The following PKP4 variants were observed in gnomAD, a reference collection of about 807,000 sequenced individuals.
PKP4 encodes plakophilin-4.
A neutral mutation model predicts 145.1 loss-of-function variants in PKP4; 90 were observed. The observed-to-expected ratio is 0.62, with a 90% CI of 0.52 to 0.74. The LOEUF is 0.74. Ranked by LOEUF, PKP4 falls within the 30% of genes least tolerant of loss-of-function variation. PKP4 has a pLI of 0.00. For missense variants in PKP4, 1,340 were observed against 1,482.7 expected, an observed-to-expected ratio of 0.90 and a Z score of 1.58; for synonymous variants, 563 against 577.2, an observed-to-expected ratio of 0.98 and a Z score of 0.35.
intron 1 of PKP4, among the ~76,000 whole-genome samples, chr2:158,493,545 C>T (rs914549546): frequency 6.6e-6 from 1 of 152,180 alleles, no homozygotes; most frequent in African/African-American, 2.4e-5. Flanking sequence ...CCTCCTTTTC[C>T]AGGCTGGACT....
chr2:158,560,963 A>G (rs1296786854), intron 2 of PKP4, among the ~76,000 whole-genome samples: 5 of 152,354 alleles, frequency 3.3e-5, no homozygotes, highest in African/African-American at 1.2e-4. Context: ...GAGGCTTACA[A>G]GTTGTTAAAC....
At chr2:158,546,355 C>A (rs2045038277) in intron 2 of PKP4, among the ~76,000 whole-genome samples, 1 of 152,140 alleles carries the variant, frequency 6.6e-6, no homozygotes, top group African/African-American at 2.4e-5. Context: ...TAACTGCTTT[C>A]AGAGTGAAGC....
intron 3 of PKP4, among the ~76,000 whole-genome samples, chr2:158,585,384 A>G (rs2048715439): frequency 6.6e-6 from 1 of 152,198 alleles, no homozygotes; most frequent in South Asian, 2.1e-4. Flanking sequence ...TATTTTAATG[A>G]AAATATTTGA....
At chr2:158,642,910 G>T (rs1226468096) in intron 11 of PKP4, among the ~76,000 whole-genome samples, 1 of 152,140 alleles carries the variant, frequency 6.6e-6, no homozygotes, top group East Asian at 1.9e-4. Context: ...ATAAGTTATT[G>T]TACTTATTAA....
intron 14 of PKP4, 45 bp downstream of exon 14, chr2:158,663,133 G>A (rs759194203): frequency 6.5e-7 from 1 of 1,541,182 alleles, no homozygotes; most frequent in Non-Finnish European, 8.8e-7. Context: ...TAATTTTTCT[G>A]GGAGTGAGGA....
chr2:158,568,509 A>G (rs1033263922), intron 2 of PKP4, among the ~76,000 whole-genome samples: 5 of 152,170 alleles, frequency 3.3e-5, no homozygotes, highest in African/African-American at 1.2e-4. Flanking sequence ...GTGTCTGGGT[A>G]AGGCCATGGT....
chr2:158,520,502 A>G (rs1260797212), intron 1 of PKP4, among the ~76,000 whole-genome samples: 2 of 152,246 alleles, frequency 1.3e-5, no homozygotes, highest in South Asian at 4.1e-4. Context: ...GAAATATTCT[A>G]AATTATTTGA....
intron 3 of PKP4, among the ~76,000 whole-genome samples, chr2:158,602,491 A>C (rs540981888): frequency 1.7e-4 from 26 of 152,180 alleles, no homozygotes; most frequent in Non-Finnish European, 3.4e-4. Context: ...GCAGGGAGGC[A>C]CTGATATGTT....
At chr2:158,519,778 G>A (rs922972589) in intron 1 of PKP4, among the ~76,000 whole-genome samples, 1 of 152,120 alleles carries the variant, frequency 6.6e-6, no homozygotes, top group Non-Finnish European at 1.5e-5. Context: ...TTGTGAGTTG[G>A]AGAAAAGTTG....
intron 2 of PKP4, among the ~76,000 whole-genome samples, chr2:158,537,446 A>G (rs979701345): frequency 6.6e-6 from 1 of 152,212 alleles, no homozygotes. Flanking sequence ...TAACTACTAA[A>G]GAAATGTTAA....
chr2:158,662,610 G>C (rs2056704457), intron 13 of PKP4: 1 of 246,914 alleles, frequency 4.0e-6, no homozygotes, highest in South Asian at 1.1e-4. Context: ...GGTGCAGTCT[G>C]CACGGCAGCA....
At chr2:158,671,786 G>T (rs1313120925) in intron 17 of PKP4, among the ~76,000 whole-genome samples, 1 of 152,244 alleles carries the variant, frequency 6.6e-6, no homozygotes, top group Non-Finnish European at 1.5e-5. Context: ...GTGGTGGGTG[G>T]TGCTGAGGGG....
intron 19 of PKP4, among the ~76,000 whole-genome samples, chr2:158,676,005 CCA>C (rs1223516743): frequency 3.3e-5 from 5 of 152,042 alleles, no homozygotes; most frequent in African/African-American, 4.8e-5. Context: ...TCTTTCTGTG[CCA>C]CAGTGTCCAA....
chr2:158,577,910 ATTG>A (rs1182960522), intron 3 of PKP4, among the ~76,000 whole-genome samples: 2 of 152,134 alleles, frequency 1.3e-5, no homozygotes, highest in African/African-American at 2.4e-5. Flanking sequence ...CATAATCATG[ATTG>A]TTATTTTTTA....
chr2:158,528,381 G>A lies in PKP4; in HGVS notation c.-5-4799G>A, dbSNP rs1456065034. On this transcript the variant is annotated intron_variant, in intron 1 of 21. Transcript: ENST00000389759. ...AAACCTTCATTCTCAGTAAACTATC[G>A]CAAGAACAAAAAACCAAACACCACA... 5.6e-4 allele frequency among the ~76,000 whole-genome samples: 62 copies of A among 110,472 alleles called. 1 individual carries two copies. The East Asian group carries it at 0.014, about 25-fold the overall frequency. 72.5% of individuals were successfully genotyped at this position (110,472 alleles called of 152,430 possible).
At chr2:158,555,893 T>G (rs2046045764) in intron 2 of PKP4, among the ~76,000 whole-genome samples, 1 of 152,188 alleles carries the variant, frequency 6.6e-6, no homozygotes, top group Non-Finnish European at 1.5e-5. Context: ...TATAATCTAC[T>G]CTGAGACTGA....
chr2:158,534,211 A>G (rs1203405158), intron 2 of PKP4, among the ~76,000 whole-genome samples: 1 of 152,174 alleles, frequency 6.6e-6, no homozygotes, highest in Non-Finnish European at 1.5e-5. Context: ...TCAAATGATG[A>G]ATGATGACGA....
At chr2:158,648,929 C>T (rs1345518145) in intron 11 of PKP4, among the ~76,000 whole-genome samples, 1 of 152,314 alleles carries the variant, frequency 6.6e-6, no homozygotes, top group East Asian at 1.9e-4. Flanking sequence ...GCCTGAAAGG[C>T]GGATGTTGCA....
chr2:158,680,584 G>C lies in PKP4; in HGVS notation c.3486G>C (p.Leu1162=). Residue 1162 remains leucine (L), a synonymous_variant, in exon 22 of 22, where the codon CTG becomes CTC. Transcript: ENST00000389759. ...ASTDYSTQYG[L]KSTTNYVDFY... is the part of the protein sequence containing the mutation. The stretch of plus-strand genomic sequence containing the variant: ...CTGATTACTCAACACAGTATGGACT[G>C]AAATCGACCACAAATTATGTAGACT... 3 of 1,613,992 alleles carry C rather than the reference G, an allele frequency of 1.9e-6. No individual in the cohort carries two copies. In the South Asian group the frequency reaches 3.3e-5, roughly 18 times the overall value.
Sources: allele counts gnomAD v4.1 joint callset (sites outside exome capture counted in the v4.1 genomes callset), GRCh38; gene constraint gnomAD v4.1.1; transcripts MANE v1.5; gene names NCBI Gene and HGNC (gene_info 2026-07-23, HGNC 2026-07-21).